TAFA2: variants seen among roughly 807,000 people sequenced by gnomAD.
TAFA2 encodes the protein TAFA chemokine like family member 2.
Under a neutral mutation model 18.8 loss-of-function variants are expected in TAFA2, and 7 were observed. That is an observed-to-expected ratio of 0.37 (90% confidence interval 0.21 to 0.70). The LOEUF (loss-of-function observed/expected upper bound fraction) is 0.70. Ranked by LOEUF, TAFA2 falls within the 30% of genes least tolerant of loss-of-function variation. The pLI is 0.53. For missense variants in TAFA2, 122 were observed against 158.1 expected, an observed-to-expected ratio of 0.77 and a Z score of 1.23; for synonymous variants, 60 against 54.2, an observed-to-expected ratio of 1.11 and a Z score of -0.47.
At chr12:61,917,804 T>G (rs1038743486) in intron 1 of TAFA2, among the ~76,000 whole-genome samples, 2 of 152,148 alleles carry the variant, frequency 1.3e-5, no homozygotes, top group African/African-American at 4.8e-5. Context: ...AGAAGCCACA[T>G]AGTAAAAAAA....
chr12:61,771,813 C>T (rs570889358), intron 2 of TAFA2, among the ~76,000 whole-genome samples: 2 of 150,108 alleles, frequency 1.3e-5, no homozygotes, highest in Non-Finnish European at 3.0e-5. Context: ...AAGGTCACAC[C>T]TCAAGGAACT....
intron 1 of TAFA2, among the ~76,000 whole-genome samples, chr12:62,248,268 G>A (rs1231125831): frequency 7.2e-5 from 11 of 152,156 alleles, no homozygotes. Flanking sequence ...ACTCCATATT[G>A]ATTTATTTCC....
intron 1 of TAFA2, among the ~76,000 whole-genome samples, chr12:62,050,550 C>A (rs1047589805): frequency 1.3e-5 from 2 of 150,338 alleles, no homozygotes; most frequent in Non-Finnish European, 3.0e-5. Flanking sequence ...CCAGCCTGGG[C>A]GACAGAGTGA....
At chr12:61,975,172 C>T (rs879530689) in intron 1 of TAFA2, among the ~76,000 whole-genome samples, 5 of 151,684 alleles carry the variant, frequency 3.3e-5, no homozygotes, top group Non-Finnish European at 5.9e-5. Context: ...TAAGTCTACT[C>T]TTGGCAAATT....
chr12:62,131,867 A>G (rs1363561692), intron 1 of TAFA2, among the ~76,000 whole-genome samples: 1 of 151,936 alleles, frequency 6.6e-6, no homozygotes, highest in East Asian at 1.9e-4. Flanking sequence ...TTCCATTTCT[A>G]TCCTTTCATT....
chr12:61,845,059 G>C (rs1873345925), intron 2 of TAFA2, among the ~76,000 whole-genome samples: 1 of 152,036 alleles, frequency 6.6e-6, no homozygotes, highest in Middle Eastern at 3.4e-3. Flanking sequence ...TGGGTTCCTG[G>C]GGAAAAAGTT....
chr12:61,833,928 C>G (rs1017240356), intron 2 of TAFA2, among the ~76,000 whole-genome samples: 5 of 151,994 alleles, frequency 3.3e-5, no homozygotes, highest in African/African-American at 9.7e-5. Context: ...ACTCCAAGAG[C>G]TGGTATAGAG....
intron 1 of TAFA2, among the ~76,000 whole-genome samples, chr12:62,255,940 T>C (rs1261609778): frequency 6.6e-6 from 1 of 151,894 alleles, no homozygotes; most frequent in Non-Finnish European, 1.5e-5. Context: ...AATTTCATGG[T>C]ATAGTCAGCT....
At chr12:61,803,697 T>G (rs1157081717) in intron 2 of TAFA2, among the ~76,000 whole-genome samples, 1 of 151,948 alleles carries the variant, frequency 6.6e-6, no homozygotes. Context: ...AATTAATATT[T>G]TTATTATTTT....
At chr12:61,741,489 A>G (rs749641851) in intron 4 of TAFA2, among the ~76,000 whole-genome samples, 2 of 152,150 alleles carry the variant, frequency 1.3e-5, no homozygotes, top group Admixed American at 6.6e-5. Context: ...ATCATGGAAT[A>G]TAATATTTAG....
At chr12:62,061,491 C>A (rs1272245775) in intron 1 of TAFA2, among the ~76,000 whole-genome samples, 1 of 152,136 alleles carries the variant, frequency 6.6e-6, no homozygotes, top group Non-Finnish European at 1.5e-5. Context: ...GACAAAATCG[C>A]CTAACAGCGC....
In TAFA2 at chr12:61,710,069, C is replaced by T. The variant is rs1217432758; in HGVS notation, c.*337G>A. On this transcript the variant is annotated 3_prime_UTR_variant, in exon 5 of 5. Coordinates refer to ENST00000416284, the MANE Select transcript of TAFA2 (RefSeq NM_178539.5). ...CTTGCAGAAACAAGAAAAGTAGTCA[C>T]ATCTGGAGCCAATAACTCAAAAGGT... The T allele has an allele frequency of 3.1e-5, 9 of 293,832 alleles. No individual in the cohort carries two copies. The highest frequency in any genetic ancestry group is 1.3e-5 in the Non-Finnish European group (2 of 157,188). 18.2% of individuals were successfully genotyped at this position (293,832 alleles called of 1,614,324 possible). A position where few individuals can be genotyped will look rare whatever the true frequency, so the allele number is the denominator to read the frequency against.
At chr12:61,832,679 A>G (rs1872762398) in intron 2 of TAFA2, among the ~76,000 whole-genome samples, 1 of 152,086 alleles carries the variant, frequency 6.6e-6, no homozygotes, top group African/African-American at 2.4e-5. Flanking sequence ...TCCTTGACTC[A>G]TGTTTCATCC....
chr12:62,076,944 GA>G (rs1027195694), intron 1 of TAFA2, among the ~76,000 whole-genome samples: 3 of 152,148 alleles, frequency 2.0e-5, no homozygotes, highest in Non-Finnish European at 4.4e-5. Context: ...CTCATGAGTG[GA>G]AGTCTAAAAG....
chr12:62,147,729 C>CAAAAA (rs10552283), intron 1 of TAFA2, among the ~76,000 whole-genome samples: 1 of 76,376 alleles, frequency 1.3e-5, no homozygotes, highest in African/African-American at 5.7e-5. Flanking sequence ...GACTCTGTCT[C>CAAAAA]AAAAAAAAAA....
intron 4 of TAFA2, among the ~76,000 whole-genome samples, chr12:61,729,016 T>C (rs188267147): frequency 1.4e-5 from 2 of 145,262 alleles, no homozygotes; most frequent in East Asian, 2.1e-4. Context: ...TTTCACTGAA[T>C]ACAAAATTCT....
intron 2 of TAFA2, among the ~76,000 whole-genome samples, chr12:61,859,797 T>C (rs1401629784): frequency 6.6e-6 from 1 of 152,162 alleles, no homozygotes; most frequent in Non-Finnish European, 1.5e-5. Flanking sequence ...GAGATACCTC[T>C]GTGGGAAGAG....
chr12:61,969,697 T>C (rs1317939929), intron 1 of TAFA2, among the ~76,000 whole-genome samples: 1 of 151,574 alleles, frequency 6.6e-6, no homozygotes, highest in African/African-American at 2.4e-5. Context: ...TTTTTTAAAG[T>C]ACAAAAATAA....
intron 2 of TAFA2, among the ~76,000 whole-genome samples, chr12:61,766,841 G>T (rs1323364897): frequency 6.6e-6 from 1 of 152,060 alleles, no homozygotes; most frequent in African/African-American, 2.4e-5. Context: ...ATTTGACATT[G>T]TCTCTTTGTG....
Sources: allele counts gnomAD v4.1 joint callset (sites outside exome capture counted in the v4.1 genomes callset), GRCh38; gene constraint gnomAD v4.1.1; transcripts MANE v1.5; gene names NCBI Gene and HGNC (gene_info 2026-07-23, HGNC 2026-07-21).